The following EYA2 variants were observed in gnomAD, a reference collection of about 807,000 sequenced individuals.
EYA2 encodes EYA transcriptional coactivator and phosphatase 2, also known as protein phosphatase EYA2.
In EYA2, 31 loss-of-function variants were observed where a neutral mutation model predicts 69.2. The observed-to-expected ratio is 0.45, with a 90% CI of 0.34 to 0.60. EYA2 has a LOEUF of 0.60. Among genes scored for constraint, EYA2 ranks in the 20% least tolerant of loss-of-function variants. The pLI is 0.02. For synonymous variants in EYA2, 257 were observed against 279.4 expected, an observed-to-expected ratio of 0.92 and a Z score of 0.80; for missense variants, 622 against 701.2, an observed-to-expected ratio of 0.89 and a Z score of 1.28.
chr20:47,077,062 C>T (rs148788012), intron 7 of EYA2, among the ~76,000 whole-genome samples: 324 of 152,336 alleles, frequency 2.1e-3, no homozygotes, highest in African/African-American at 7.3e-3. Context: ...TGGGGTCAGC[C>T]TCACCTCAAC....
intron 7 of EYA2, among the ~76,000 whole-genome samples, chr20:47,076,622 G>T (rs143063122): frequency 4.6e-5 from 7 of 152,172 alleles, no homozygotes; most frequent in Non-Finnish European, 7.4e-5. Flanking sequence ...AGATTTTTTG[G>T]CTTCAAAAGA....
intron 5 of EYA2, among the ~76,000 whole-genome samples, chr20:47,060,669 T>A (rs2030838004): frequency 6.6e-6 from 1 of 152,144 alleles, no homozygotes; most frequent in Non-Finnish European, 1.5e-5. Flanking sequence ...TTTGCCACAG[T>A]CCCCACCATC....
chr20:47,129,753 G>T (rs2033290050), intron 9 of EYA2, among the ~76,000 whole-genome samples: 1 of 152,192 alleles, frequency 6.6e-6, no homozygotes, highest in Non-Finnish European at 1.5e-5. Flanking sequence ...CCCTCTCTTG[G>T]TGATGGACTG....
In EYA2 at chr20:47,021,626, C is replaced by CA. The variant is rs11477310; in HGVS notation, c.415+5347dup. Among the ~76,000 whole-genome samples the CA allele has an allele frequency of 1.8e-3, 145 of 81,990 alleles. 1 individual carries two copies. Among genetic ancestry groups the CA allele is most frequent in the East Asian group, 3.1e-3 (10 of 3,254 alleles). 53.8% of individuals were successfully genotyped at this position (81,990 alleles called of 152,430 possible). A position where few individuals can be genotyped will look rare whatever the true frequency, so the allele number is the denominator to read the frequency against. ...TAGGCGACAAAGCGAGACTCCATCT[C>CA]AAAAAAAAAAAAAAAAAAGGCAAGA... is the stretch of plus-strand genomic sequence containing the variant. On this transcript the variant is annotated intron_variant, in intron 5 of 15. Transcript: ENST00000327619.
intron 10 of EYA2, among the ~76,000 whole-genome samples, chr20:47,145,148 T>C (rs2033674485): frequency 6.6e-6 from 1 of 151,842 alleles, no homozygotes; most frequent in Non-Finnish European, 1.5e-5. Flanking sequence ...AACAAGACCA[T>C]TTATGATAAT....
intron 15 of EYA2, among the ~76,000 whole-genome samples, chr20:47,184,947 T>G (rs1372719441): frequency 6.6e-6 from 1 of 152,046 alleles, no homozygotes; most frequent in Non-Finnish European, 1.5e-5. Context: ...AGAACTCCCA[T>G]AAAAGTCCCA....
At chr20:46,965,722 G>A (rs527589621) in intron 1 of EYA2, among the ~76,000 whole-genome samples, 1 of 152,360 alleles carries the variant, frequency 6.6e-6, no homozygotes, top group African/African-American at 2.4e-5. Context: ...CTCCTCTGGG[G>A]TTGGCGCAGC....
intron 10 of EYA2, among the ~76,000 whole-genome samples, chr20:47,150,747 A>T (rs1376208972): frequency 6.6e-6 from 1 of 152,030 alleles, no homozygotes; most frequent in African/African-American, 2.4e-5. Context: ...GATTACAGGC[A>T]TGAGCCACCT....
intron 1 of EYA2, among the ~76,000 whole-genome samples, chr20:46,936,313 A>G (rs1457646672): frequency 6.6e-6 from 1 of 152,200 alleles, no homozygotes; most frequent in African/African-American, 2.4e-5. Flanking sequence ...TGTACTAAAA[A>G]TACAAAAATT....
intron 9 of EYA2, among the ~76,000 whole-genome samples, chr20:47,113,702 T>G (rs928463981): frequency 6.6e-6 from 1 of 152,184 alleles, no homozygotes; most frequent in African/African-American, 2.4e-5. Context: ...AGGCTGAGAT[T>G]TCTCCAGAGA....
intron 5 of EYA2, 78 bp downstream of exon 5, chr20:47,016,375 A>T: frequency 1.8e-6 from 2 of 1,139,816 alleles, no homozygotes; most frequent in Non-Finnish European, 2.7e-6. Context: ...TCATTCATTC[A>T]GCAGATTTTT....
At chr20:47,089,424 C>T in intron 8 of EYA2, 43 bp downstream of exon 8, 6 of 1,573,046 alleles carry the variant, frequency 3.8e-6, no homozygotes, top group African/African-American at 1.4e-5. Context: ...ATGTAATCTC[C>T]ATCTGAGGCC....
chr20:46,950,320 A>C (rs1056419366), intron 1 of EYA2, among the ~76,000 whole-genome samples: 2 of 152,162 alleles, frequency 1.3e-5, no homozygotes, highest in Admixed American at 1.3e-4. Context: ...AATTTTCACA[A>C]CCATAAAATA....
intron 4 of EYA2, among the ~76,000 whole-genome samples, chr20:47,008,675 CTGGATGATACAGAG>C (rs1488998536): frequency 6.6e-6 from 1 of 152,194 alleles, no homozygotes; most frequent in Non-Finnish European, 1.5e-5. Context: ...GCGTCTGCTC[CTGGATGATACAGAG>C]TAGATGATAA....
intron 9 of EYA2, among the ~76,000 whole-genome samples, chr20:47,135,156 AC>A (rs202038282): frequency 0.013 from 2,005 of 149,980 alleles, 51 homozygotes; most frequent in African/African-American, 0.047. Context: ...AAAACAGACA[AC>A]AGGCCATAGT....
intron 9 of EYA2, among the ~76,000 whole-genome samples, chr20:47,133,233 A>T (rs3827054): frequency 0.022 from 3,349 of 152,094 alleles, 113 homozygotes; most frequent in East Asian, 0.088. Flanking sequence ...TTGAGCCTAG[A>T]TCTACCAGCT....
At chr20:47,099,164 C>T (rs1280493410) in intron 9 of EYA2, among the ~76,000 whole-genome samples, 1 of 152,248 alleles carries the variant, frequency 6.6e-6, no homozygotes, top group African/African-American at 2.4e-5. Context: ...AGTGAGGGAG[C>T]TGGGATATTT....
At position 46,995,024 on chromosome 20, in the gene EYA2, C is replaced by T. The variant is rs189712449; in HGVS notation, c.109+4905C>T. Among the ~76,000 whole-genome samples, 75 of 152,236 alleles carry T rather than the reference C, an allele frequency of 4.9e-4. 1 individual carries two copies. Among genetic ancestry groups the T allele is most frequent in the African/African-American group, 1.7e-3 (71 of 41,534 alleles). ...CAAGCAATTCTCCTGCCTCAGCCTC[C>T]GGAGTAGCTGGGATTACAAGTGCCC... On this transcript the variant is annotated intron_variant, in intron 2 of 15. Coordinates refer to ENST00000327619, the MANE Select transcript of EYA2 (RefSeq NM_005244.5).
At chr20:47,026,353 T>C (rs1165691587) in intron 5 of EYA2, among the ~76,000 whole-genome samples, 1 of 152,122 alleles carries the variant, frequency 6.6e-6, no homozygotes, top group Admixed American at 6.5e-5. Context: ...TTTATAACCT[T>C]GGAGTGGAAA....
Sources: gnomAD v4.1 joint callset for allele counts (sites outside exome capture counted in the v4.1 genomes callset) on GRCh38, gnomAD v4.1.1 for gene constraint, MANE v1.5 for transcripts, NCBI Gene and HGNC (gene_info 2026-07-23, HGNC 2026-07-21) for gene names.